The following CDH18 variants were observed in gnomAD, a reference collection of about 807,000 sequenced individuals.
CDH18 encodes cadherin 18.
In CDH18, 31 loss-of-function variants were observed where a neutral mutation model predicts 67.9. The ratio of observed to expected loss-of-function variants is 0.46; its 90% CI spans 0.34 to 0.62. The LOEUF (loss-of-function observed/expected upper bound fraction) is 0.62. Ranked by LOEUF, CDH18 falls within the 20% of genes least tolerant of loss-of-function variation. CDH18 has a pLI of 0.01. For synonymous variants in CDH18, 362 were observed against 347.2 expected (o/e 1.04, Z -0.48); for missense variants, 890 against 975.5 (o/e 0.91, Z 1.17).
intron 1 of CDH18, among the ~76,000 whole-genome samples, chr5:20,381,445 C>T (rs1341400358): frequency 6.6e-6 from 1 of 152,022 alleles, no homozygotes; most frequent in Non-Finnish European, 1.5e-5. Flanking sequence ...TTGCATCAAC[C>T]AATTTAAATT....
At chr5:19,851,601 ACTAT>A (rs1196932370) in intron 2 of CDH18, among the ~76,000 whole-genome samples, 12 of 151,852 alleles carry the variant, frequency 7.9e-5, no homozygotes, top group Non-Finnish European at 1.5e-4. Flanking sequence ...TCATATTAAT[ACTAT>A]CTAACAGTTT....
chr5:19,914,479 G>A (rs1791532187), intron 2 of CDH18, among the ~76,000 whole-genome samples: 1 of 151,794 alleles, frequency 6.6e-6, no homozygotes, highest in Admixed American at 6.6e-5. Flanking sequence ...ATAAGTGTGT[G>A]GATATATAAA....
At chr5:19,516,725 T>G (rs1452406825) in intron 10 of CDH18, among the ~76,000 whole-genome samples, 1 of 152,208 alleles carries the variant, frequency 6.6e-6, no homozygotes, top group African/African-American at 2.4e-5. Context: ...TGTGTCTATT[T>G]GATTCTTCTC....
intron 1 of CDH18, among the ~76,000 whole-genome samples, chr5:20,509,769 C>G (rs1754913055): frequency 6.6e-6 from 1 of 152,078 alleles, no homozygotes. Context: ...ATATATACCA[C>G]ATTTTATTTA....
chr5:20,433,613 C>T (rs144819443), intron 1 of CDH18, among the ~76,000 whole-genome samples: 1 of 151,898 alleles, frequency 6.6e-6, no homozygotes, highest in Admixed American at 6.6e-5. Context: ...GAGTTGAGCA[C>T]CTCAGGATTT....
chr5:20,054,728 T>C (rs1390199380), intron 2 of CDH18, among the ~76,000 whole-genome samples: 1 of 152,224 alleles, frequency 6.6e-6, no homozygotes, highest in Non-Finnish European at 1.5e-5. Context: ...TATGACCACA[T>C]TGTCTCTCAA....
intron 3 of CDH18, among the ~76,000 whole-genome samples, chr5:19,784,626 T>A (rs1281048602): frequency 2.0e-5 from 3 of 152,230 alleles, no homozygotes; most frequent in African/African-American, 7.2e-5. Flanking sequence ...AATCTATAAC[T>A]TTATTAAATA....
chr5:20,201,082 G>T (rs1739408607), intron 2 of CDH18, among the ~76,000 whole-genome samples: 2 of 152,028 alleles, frequency 1.3e-5, no homozygotes, highest in East Asian at 3.9e-4. Context: ...GTGAAAACAA[G>T]TATCAGTAGA....
At chr5:20,282,418 C>G (rs1218698390) in intron 1 of CDH18, among the ~76,000 whole-genome samples, 1 of 152,018 alleles carries the variant, frequency 6.6e-6, no homozygotes, top group Non-Finnish European at 1.5e-5. Context: ...GAGTTTTTAG[C>G]ATGAAGGGCT....
intron 2 of CDH18, among the ~76,000 whole-genome samples, chr5:19,919,603 G>T (rs189652091): frequency 9.6e-4 from 146 of 152,278 alleles, no homozygotes; most frequent in Non-Finnish European, 1.7e-3. Context: ...CAGAAATATT[G>T]TAACTTGAAA....
chr5:19,554,268 CTAAG>C (rs1217426943), intron 8 of CDH18, among the ~76,000 whole-genome samples: 1 of 152,148 alleles, frequency 6.6e-6, no homozygotes, highest in Non-Finnish European at 1.5e-5. Context: ...ATTTATGACT[CTAAG>C]TAAGTGAGAT....
intron 1 of CDH18, among the ~76,000 whole-genome samples, chr5:20,461,573 T>A (rs1424866908): frequency 6.6e-6 from 1 of 152,096 alleles, no homozygotes; most frequent in Non-Finnish European, 1.5e-5. Flanking sequence ...CCCCTTTCTC[T>A]CCTCTTCTCA....
At chr5:20,177,600 T>G (rs1737337939) in intron 2 of CDH18, among the ~76,000 whole-genome samples, 1 of 152,062 alleles carries the variant, frequency 6.6e-6, no homozygotes, top group Non-Finnish European at 1.5e-5. Flanking sequence ...TGTGAGGGTG[T>G]GTCTGGAGGA....
chr5:19,687,877 C>T (rs1429092664), intron 5 of CDH18, among the ~76,000 whole-genome samples: 1 of 152,180 alleles, frequency 6.6e-6, no homozygotes, highest in African/African-American at 2.4e-5. Flanking sequence ...GTCTACCCAA[C>T]CCTACCTGCC....
At chr5:19,843,862 G>C (rs1409041923) in intron 2 of CDH18, among the ~76,000 whole-genome samples, 1 of 152,206 alleles carries the variant, frequency 6.6e-6, no homozygotes, top group East Asian at 1.9e-4. Flanking sequence ...TTTAATGACT[G>C]TCCCGCTAGA....
intron 3 of CDH18, among the ~76,000 whole-genome samples, chr5:19,759,809 C>T (rs1339807470): frequency 6.6e-6 from 1 of 152,116 alleles, no homozygotes; most frequent in East Asian, 1.9e-4. Context: ...GGGGGCCCTA[C>T]ATTAGGGGTA....
At chr5:20,125,418 G>A (rs1344846) in intron 2 of CDH18, among the ~76,000 whole-genome samples, 129,322 of 152,060 alleles carry the variant, frequency 0.85, 56,357 homozygotes, top group Non-Finnish European at 0.94. Flanking sequence ...GATACAAAGT[G>A]TCATCCACTG....
At chr5:19,831,558 T>C (rs1432977632) in intron 3 of CDH18, among the ~76,000 whole-genome samples, 2 of 151,866 alleles carry the variant, frequency 1.3e-5, no homozygotes, top group African/African-American at 4.8e-5. Context: ...TAAGACACCA[T>C]CTCACACCAG....
intron 1 of CDH18, among the ~76,000 whole-genome samples, chr5:20,509,280 G>C (rs962793529): frequency 9.9e-5 from 15 of 152,024 alleles, no homozygotes; most frequent in African/African-American, 3.6e-4. Flanking sequence ...CTCTGCTTCT[G>C]TGAGATAAAC....
Sources: allele counts gnomAD v4.1 joint callset (sites outside exome capture counted in the v4.1 genomes callset), GRCh38; gene constraint gnomAD v4.1.1; transcripts MANE v1.5; gene names NCBI Gene and HGNC (gene_info 2026-07-23, HGNC 2026-07-21).